The following VIPR2 variants were observed in gnomAD, a reference collection of about 807,000 sequenced individuals.
VIPR2 encodes the protein vasoactive intestinal peptide receptor 2.
In VIPR2, 48 loss-of-function variants were observed where a neutral mutation model predicts 58.0. That is an observed-to-expected ratio of 0.83 (90% confidence interval 0.66 to 1.05). The LOEUF is 1.05. Ranked by LOEUF, VIPR2 falls within the 50% of genes least tolerant of loss-of-function variation. The pLI, the probability that VIPR2 is intolerant of heterozygous loss-of-function variation, is 0.00. For missense variants in VIPR2, 534 were observed against 558.0 expected, an observed-to-expected ratio of 0.96 and a Z score of 0.43; for synonymous variants, 243 against 235.2, an observed-to-expected ratio of 1.03 and a Z score of -0.30.
intron 5 of VIPR2, among the ~76,000 whole-genome samples, chr7:159,053,974 A>G (rs757154165): frequency 6.6e-6 from 1 of 152,262 alleles, no homozygotes; most frequent in African/African-American, 2.4e-5. Flanking sequence ...TTGGACTCCT[A>G]GGAATAAAGA....
At chr7:159,075,742 A>G (rs563827086) in intron 4 of VIPR2, among the ~76,000 whole-genome samples, 42 of 133,594 alleles carry the variant, frequency 3.1e-4, no homozygotes, top group African/African-American at 1.3e-3. Context: ...CCACGGACCC[A>G]CTGCATCAGT....
At chr7:159,058,451 T>G in intron 5 of VIPR2, 30 bp downstream of exon 5, 1 of 1,590,932 alleles carries the variant, frequency 6.3e-7, no homozygotes, top group Non-Finnish European at 8.6e-7. Flanking sequence ...TCTTGTATTC[T>G]TTGCAGAATT....
At chr7:159,076,467 G>A (rs1376633039) in intron 4 of VIPR2, among the ~76,000 whole-genome samples, 1 of 152,174 alleles carries the variant, frequency 6.6e-6, no homozygotes, top group Non-Finnish European at 1.5e-5. Flanking sequence ...TTAGCCATTT[G>A]AGCAAATTAT....
At chr7:159,033,337 G>A (rs531983154) in intron 10 of VIPR2, among the ~76,000 whole-genome samples, 3 of 152,274 alleles carry the variant, frequency 2.0e-5, no homozygotes, top group Non-Finnish European at 2.9e-5. Context: ...CCTAGGCTGG[G>A]CGGCAGGGTT....
intron 2 of VIPR2, among the ~76,000 whole-genome samples, chr7:159,139,385 C>A (rs997084315): frequency 6.6e-6 from 1 of 152,152 alleles, no homozygotes; most frequent in African/African-American, 2.4e-5. Flanking sequence ...GCAGAGGGAA[C>A]CCGTGCGCAC....
chr7:159,093,841 C>T lies in VIPR2; in HGVS notation c.357+9916G>A, dbSNP rs920053058. 2.0e-5 allele frequency among the ~76,000 whole-genome samples: 3 copies of T among 152,234 alleles called. No individual in the cohort carries two copies. Among genetic ancestry groups the T allele is most frequent in the Middle Eastern group, 3.4e-3 (1 of 294 alleles). The stretch of plus-strand genomic sequence containing the variant: ...CTGGGTCCGGACATGGGAGAGGCCC[C>T]GCAGTGTCCCTGAGTCTCCTGGACA... On this transcript the variant is annotated intron_variant, in intron 4 of 12. Transcript: ENST00000262178. This position sits in a 1 kb window ranked among gnomAD's most constrained non-coding sequence, Gnocchi z 6.7.
intron 2 of VIPR2, among the ~76,000 whole-genome samples, chr7:159,134,644 A>G (rs1760727088): frequency 6.6e-6 from 1 of 152,008 alleles, no homozygotes; most frequent in Non-Finnish European, 1.5e-5. Context: ...TTTTCTATTA[A>G]TAGTGCAATA....
chr7:159,034,525 G>C, intron 9 of VIPR2, 56 bp downstream of exon 9: 3 of 1,542,008 alleles, frequency 1.9e-6, no homozygotes, highest in Non-Finnish European at 2.7e-6. Context: ...CAGGCTTGCT[G>C]TCTGCCCAAG....
At chr7:159,106,766 C>CAGAGAGGCCGGGGAGGTAGAG (rs1483583882) in intron 3 of VIPR2, among the ~76,000 whole-genome samples, 2 of 100,686 alleles carry the variant, frequency 2.0e-5, no homozygotes, top group East Asian at 2.9e-4. Context: ...TGGGTAGGGG[C>CAGAGAGGCCGGGGAGGTAGAG]AGAGAGGCCG....
chr7:159,097,430 G>A lies in VIPR2; in HGVS notation c.357+6327C>T, dbSNP rs556045610. ...GACTTACGGGAGCCGGCCCCCTCGCGTGCCCACCACGGTGTGCTGCTGAGG... is the reference window on the plus strand; with the variant it reads ...GACTTACGGGAGCCGGCCCCCTCGCATGCCCACCACGGTGTGCTGCTGAGG... On this transcript the variant is annotated intron_variant, in intron 4 of 12. Transcript: ENST00000262178. This position sits in a 1 kb window ranked among gnomAD's most constrained non-coding sequence, Gnocchi z 5.3. Among the ~76,000 whole-genome samples the A allele has an allele frequency of 6.6e-6, 1 of 152,224 alleles. No homozygotes were observed. The highest frequency in any genetic ancestry group is 6.5e-5 in the Admixed American group (1 of 15,294).
At chr7:159,035,173 C>T (rs951393731) in intron 8 of VIPR2, among the ~76,000 whole-genome samples, 7 of 152,340 alleles carry the variant, frequency 4.6e-5, no homozygotes, top group African/African-American at 1.4e-4. Flanking sequence ...AGGGTCCACA[C>T]CCTGCGCTGG....
rs534099389 is a variant in VIPR2, at chr7:159,127,073, G to A, written c.151+15373C>T. ...GAGACAATGCCCCACAGCAGAGCGC[G>A]GTCTCCAAACGTGTTTAGAATGCTG... On this transcript the variant is annotated intron_variant, in intron 2 of 12. Transcript: ENST00000262178. This position sits in a 1 kb window ranked among gnomAD's most constrained non-coding sequence, Gnocchi z 4.6. Among the ~76,000 whole-genome samples the A allele has an allele frequency of 4.6e-5, 7 of 152,312 alleles. No homozygotes were observed. Among genetic ancestry groups the A allele is most frequent in the Admixed American group, 3.3e-4 (5 of 15,302 alleles).
intron 4 of VIPR2, among the ~76,000 whole-genome samples, chr7:159,080,053 T>C (rs2129494860): frequency 6.6e-6 from 1 of 152,262 alleles, no homozygotes; most frequent in East Asian, 1.9e-4. Context: ...GAGGAGCTGA[T>C]ACCATTCCTT....
chr7:159,066,310 G>T (rs1357408889), intron 4 of VIPR2, among the ~76,000 whole-genome samples: 1 of 151,646 alleles, frequency 6.6e-6, no homozygotes, highest in Non-Finnish European at 1.5e-5. Context: ...CGGCGTCCGT[G>T]GATTCCAGGA....
Position 159,052,675 on chromosome 7 carries a change from A to G in VIPR2, c.455+5806T>C, listed in dbSNP as rs150379705. Among the ~76,000 whole-genome samples, 7 of 152,360 alleles carry G rather than the reference A, an allele frequency of 4.6e-5. No individual in the cohort carries two copies. The East Asian group carries it at 1.4e-3, about 29-fold the overall frequency. On this transcript the variant is annotated intron_variant, in intron 5 of 12. Transcript: ENST00000262178. ...ATTATCAAGCTGAGTTCAGCTATAT[A>G]TTAAAAACATAATATATCAAAACCA...
intron 7 of VIPR2, among the ~76,000 whole-genome samples, chr7:159,036,260 C>T (rs1853947007): frequency 6.6e-6 from 1 of 152,216 alleles, no homozygotes; most frequent in African/African-American, 2.4e-5. Flanking sequence ...AGGGTTATTA[C>T]TGGAGGCCAT....
chr7:159,035,632 A>G, intron 8 of VIPR2: 2 of 960,482 alleles, frequency 2.1e-6, no homozygotes, highest in Non-Finnish European at 2.5e-6. Context: ...GGTAAACAAC[A>G]TGCAGGGCAC....
intron 4 of VIPR2, among the ~76,000 whole-genome samples, chr7:159,059,960 C>T (rs926482001): frequency 6.6e-6 from 1 of 150,500 alleles, no homozygotes; most frequent in Non-Finnish European, 1.5e-5. Flanking sequence ...CTTCACCTAA[C>T]AGTCACCTTC....
At chr7:159,060,548 C>T (rs1172575324) in intron 4 of VIPR2, among the ~76,000 whole-genome samples, 1 of 151,740 alleles carries the variant, frequency 6.6e-6, no homozygotes, top group Non-Finnish European at 1.5e-5. Flanking sequence ...CATCATCTAA[C>T]AACCACCTTC....
Sources: allele counts gnomAD v4.1 joint callset (sites outside exome capture counted in the v4.1 genomes callset), GRCh38; gene constraint gnomAD v4.1.1; non-coding constraint Gnocchi (gnomAD v3.1); transcripts MANE v1.5; gene names NCBI Gene and HGNC (gene_info 2026-07-23, HGNC 2026-07-21).